Variants in AXDND1 observed in about 807,000 individuals in gnomAD.
The protein encoded by AXDND1 is axonemal dynein light chain domain containing 1.
Under a neutral mutation model 137.5 loss-of-function variants are expected in AXDND1, and 110 were observed. That is an observed-to-expected ratio of 0.80 (90% CI 0.69 to 0.94). AXDND1 has a LOEUF of 0.94. AXDND1 is among the 40% of genes least tolerant of loss of function. The probability of loss-of-function intolerance (pLI) is 0.00; values close to 1 mark genes in which losing one functional copy is unlikely to be tolerated. For missense variants in AXDND1, 1,191 were observed against 1,169.8 expected (o/e 1.02, Z -0.26); for synonymous variants, 414 against 399.7 (o/e 1.04, Z -0.43).
At position 179,393,929 on chromosome 1, in the gene AXDND1, A is replaced by G; in HGVS notation, c.890A>G (p.Gln297Arg). ...GAGAGGTATGTGCAAATGCTTGACC[A>G]GATTGCTCGGCAGATGATTGATTTC... is the stretch of plus-strand genomic sequence containing the variant. ...VRERYVQMLD[Q>R]IARQMIDFYK... is the part of the protein sequence containing the mutation. The change falls in exon 10 of 26, where the codon CAG (glutamine) becomes CGG (arginine). Residue 297 changes from glutamine to arginine, a missense_variant. Physicochemically the swap from Gln to Arg is conservative, Grantham distance 43. Transcript: ENST00000367618. The G allele has an allele frequency of 6.2e-7, 1 of 1,611,906 alleles. No homozygotes were observed.
In AXDND1 at chr1:179,432,352, T is replaced by C; in HGVS notation, c.1563+10T>C. 3.2e-6 allele frequency: 5 copies of C among 1,559,620 alleles called. No individual in the cohort carries two copies. Among genetic ancestry groups the C allele is most frequent in the Non-Finnish European group, 4.3e-6 (5 of 1,150,754 alleles). ...CAAACAGTGGCAGAAGGTAAGACTT[T>C]TTAATAAAGAGCTTGGCAATCAAAG... is the stretch of plus-strand genomic sequence containing the variant. On this transcript the variant is annotated intron_variant, in intron 15 of 25. Coordinates refer to ENST00000367618, the MANE Select transcript of AXDND1 (RefSeq NM_144696.6).
chr1:179,533,811 A>G lies in AXDND1; in HGVS notation c.2732A>G (p.Gln911Arg). 2 of 1,612,830 alleles carry G rather than the reference A, an allele frequency of 1.2e-6. No individual in the cohort carries two copies. Among genetic ancestry groups the G allele is most frequent in the Non-Finnish European group, 1.7e-6 (2 of 1,179,044 alleles). The change falls in exon 24 of 26, where the codon CAA (glutamine) becomes CGA (arginine). Residue 911 changes from glutamine to arginine, a missense_variant. Coordinates refer to ENST00000367618, the MANE Select transcript of AXDND1 (RefSeq NM_144696.6). The stretch of plus-strand genomic sequence containing the variant: ...CTCTGTCAGAGAGAGTCAGCTAAGC[A>G]AGGTACATTGGCCCAAAAATATCTT... ...VLSSWRESAKQGTLAQKYLEA... is the reference protein window; with the variant it reads ...VLSSWRESAKRGTLAQKYLEA...
chr1:179,539,442 C>G (rs1671899567), intron 25 of AXDND1, among the ~76,000 whole-genome samples: 1 of 152,186 alleles, frequency 6.6e-6, no homozygotes, highest in Admixed American at 6.5e-5. Context: ...TTCTCCTTCA[C>G]TTATGAAGCT....
chr1:179,512,965 G>C (rs1390106001), intron 21 of AXDND1, among the ~76,000 whole-genome samples: 1 of 152,142 alleles, frequency 6.6e-6, no homozygotes, highest in African/African-American at 2.4e-5. Flanking sequence ...TTTCTGGAGA[G>C]TCTTTAGGGT....
chr1:179,535,093 T>C, intron 25 of AXDND1, 131 bp downstream of exon 25: 1 of 1,369,348 alleles, frequency 7.3e-7, no homozygotes, highest in Non-Finnish European at 1.0e-6. Context: ...CTCATAGGAA[T>C]GTGCATATTT....
In AXDND1 at chr1:179,491,679, G is replaced by A. The variant is rs1558262043; in HGVS notation, c.2233G>A (p.Glu745Lys). The A allele has an allele frequency of 1.2e-6, 2 of 1,608,030 alleles. No homozygotes were observed. Among genetic ancestry groups the A allele is most frequent in the African/African-American group, 2.7e-5 (2 of 74,680 alleles). The change falls in exon 19 of 26, where the codon GAG (glutamate) becomes AAG (lysine). Residue 745 changes from glutamate (E) to lysine (K), a missense_variant. Transcript: ENST00000367618. ...EKHDIGVARLELDAIELTRKL... is the reference protein window; with the variant it reads ...EKHDIGVARLKLDAIELTRKL... ...ACATGATATAGGAGTTGCGCGATTG[G>A]AGCTAGATGCGATTGAACTGACAAG...
At chr1:179,552,809 T>C in intron 25 of AXDND1, 1 of 742,044 alleles carries the variant, frequency 1.3e-6, no homozygotes, top group Non-Finnish European at 2.4e-6. Context: ...GACCAGAGTG[T>C]GCCATTCCTA....
At chr1:179,468,717 C>A in intron 17 of AXDND1, 76 bp downstream of exon 17, 3 of 1,214,110 alleles carry the variant, frequency 2.5e-6, no homozygotes, top group East Asian at 2.4e-5. Context: ...ATATATAATT[C>A]ACTTTTTCAA....
chr1:179,411,135 T>G lies in AXDND1; in HGVS notation c.1110-11T>G. The G allele has an allele frequency of 1.2e-5, 19 of 1,532,072 alleles. No individual in the cohort carries two copies. The highest frequency in any genetic ancestry group is 1.4e-5 in the Non-Finnish European group (16 of 1,135,140). 94.9% of individuals were successfully genotyped at this position (1,532,072 alleles called of 1,614,324 possible). On this transcript the variant is annotated splice_polypyrimidine_tract_variant and intron_variant, in intron 11 of 25. Coordinates refer to ENST00000367618, the MANE Select transcript of AXDND1 (RefSeq NM_144696.6). ...AAATTAAATGAAGCTGTTTCTTAAT[T>G]GTTTTTATAGAATAGTAGAAGAATA...
At chr1:179,525,151 T>C (rs1352437201) in intron 21 of AXDND1, among the ~76,000 whole-genome samples, 183 bp from the exon 22 acceptor site, 2 of 152,242 alleles carry the variant, frequency 1.3e-5, no homozygotes, top group African/African-American at 4.8e-5. Context: ...TATGCATTCA[T>C]TGTATTTTCT....
chr1:179,435,544 A>G (rs915832612), intron 15 of AXDND1, among the ~76,000 whole-genome samples: 1 of 152,184 alleles, frequency 6.6e-6, no homozygotes, highest in Non-Finnish European at 1.5e-5. Context: ...AACACCACAC[A>G]TCTACAACCA....
chr1:179,461,982 C>A (rs1662390202), intron 16 of AXDND1, among the ~76,000 whole-genome samples: 1 of 152,174 alleles, frequency 6.6e-6, no homozygotes, highest in African/African-American at 2.4e-5. Flanking sequence ...ACAATCATGT[C>A]ATCTGCAAAC....
intron 25 of AXDND1, chr1:179,552,292 C>A (rs921676136): frequency 4.6e-6 from 2 of 434,402 alleles, no homozygotes; most frequent in Non-Finnish European, 4.3e-6. Flanking sequence ...TACGATTACC[C>A]AGGAAAAGAT....
At chr1:179,381,657 T>A (rs1032856506) in intron 6 of AXDND1, among the ~76,000 whole-genome samples, 1 of 152,174 alleles carries the variant, frequency 6.6e-6, no homozygotes, top group South Asian at 2.1e-4. Context: ...ATGAATTTTT[T>A]AAAATTTCAT....
intron 17 of AXDND1, among the ~76,000 whole-genome samples, chr1:179,472,018 C>A (rs1664002746): frequency 6.6e-6 from 1 of 152,132 alleles, no homozygotes; most frequent in Non-Finnish European, 1.5e-5. Flanking sequence ...CCTCAGCCTC[C>A]CGAGTAGCTG....
chr1:179,390,739 A>C (rs1381739326), intron 9 of AXDND1, among the ~76,000 whole-genome samples: 2 of 147,736 alleles, frequency 1.4e-5, no homozygotes, highest in African/African-American at 5.0e-5. Context: ...AGGAAAACAC[A>C]GCCTAGATTC....
chr1:179,457,674 C>T (rs1661613125), intron 16 of AXDND1, among the ~76,000 whole-genome samples: 2 of 152,128 alleles, frequency 1.3e-5, no homozygotes, highest in Admixed American at 1.3e-4. Flanking sequence ...AATACAATAA[C>T]CATAAAAAAG....
rs764003865 is a variant in AXDND1 at position 179,534,805 on chromosome 1, A to G, written c.2874A>G (p.Ile958Met). ...DAYEKLHHTL[I>M]KNKDLEELVM... ...ATGAGAAACTTCATCATACCCTTAT[A>G]AAAAATAAAGATCTAGAGGAATTAG... Residue 958 changes from isoleucine (I) to methionine (M), a missense_variant, in exon 25 of 26, where the codon ATA becomes ATG. Transcript: ENST00000367618. 2.5e-6 allele frequency: 4 copies of G among 1,606,914 alleles called. No homozygotes were observed. Among genetic ancestry groups the G allele is most frequent in the Non-Finnish European group, 3.4e-6 (4 of 1,178,480 alleles).
intron 21 of AXDND1, 53 bp downstream of exon 21, chr1:179,509,456 G>T: frequency 8.7e-7 from 1 of 1,154,852 alleles, no homozygotes; most frequent in Non-Finnish European, 1.3e-6. Context: ...CTGTATTTCA[G>T]TACAGAAGGT....
Sources: gnomAD v4.1 joint callset for allele counts (sites outside exome capture counted in the v4.1 genomes callset) on GRCh38, gnomAD v4.1.1 for gene constraint, MANE v1.5 for transcripts, NCBI Gene and HGNC (gene_info 2026-07-23, HGNC 2026-07-21) for gene names.